DAB1: variants seen among roughly 807,000 people sequenced by gnomAD.
The protein encoded by DAB1 is disabled homolog 1.
DAB1 carries 15 observed loss-of-function variants against 64.6 expected under a neutral mutation model. That is an observed-to-expected ratio of 0.23 (90% CI 0.16 to 0.36). DAB1 has a LOEUF of 0.36. Ranked by LOEUF, DAB1 falls within the 10% of genes least tolerant of loss-of-function variation. DAB1 has a pLI of 1.00. For synonymous variants in DAB1, 235 were observed against 251.9 expected, an observed-to-expected ratio of 0.93 and a Z score of 0.64; for missense variants, 596 against 706.7, an observed-to-expected ratio of 0.84 and a Z score of 1.78.
intron 5 of DAB1, among the ~76,000 whole-genome samples, chr1:58,059,758 C>T (rs1380519138): frequency 6.6e-6 from 1 of 152,198 alleles, no homozygotes; most frequent in Non-Finnish European, 1.5e-5. Flanking sequence ...CCAATAACCT[C>T]ATGGAGTAAG....
At chr1:57,180,192 G>C (rs4912430) in intron 2 of DAB1, among the ~76,000 whole-genome samples, 47,952 of 151,832 alleles carry the variant, frequency 0.32, 9,242 homozygotes, top group Non-Finnish European at 0.42. Flanking sequence ...AAAGGAGAAG[G>C]GGGGATCCTC....
intron 5 of DAB1, among the ~76,000 whole-genome samples, chr1:58,044,391 A>G (rs890965299): frequency 4.0e-5 from 6 of 151,254 alleles, no homozygotes; most frequent in South Asian, 2.1e-4. Flanking sequence ...GCTTCCTCCT[A>G]CTGCTGCTCT....
chr1:57,746,513 T>C (rs543951536), intron 6 of DAB1, among the ~76,000 whole-genome samples: 5 of 152,296 alleles, frequency 3.3e-5, no homozygotes, highest in African/African-American at 9.6e-5. Flanking sequence ...GTGAATTGCC[T>C]GTACATTTCC....
chr1:57,728,089 T>C (rs775443776), intron 6 of DAB1, among the ~76,000 whole-genome samples: 4 of 152,178 alleles, frequency 2.6e-5, no homozygotes, highest in Admixed American at 2.6e-4. Context: ...ATGATATTGA[T>C]GGTCTACCAA....
intron 2 of DAB1, among the ~76,000 whole-genome samples, chr1:57,220,559 T>C (rs562898555): frequency 1.3e-5 from 2 of 152,322 alleles, no homozygotes; most frequent in Admixed American, 1.3e-4. Flanking sequence ...AGAGAAGTTA[T>C]AACACATGCT....
chr1:57,694,826 C>T (rs1646804734), intron 6 of DAB1, among the ~76,000 whole-genome samples: 1 of 152,074 alleles, frequency 6.6e-6, no homozygotes, highest in Admixed American at 6.5e-5. Context: ...CACTCCTCTC[C>T]TCCACATTAC....
intron 7 of DAB1, among the ~76,000 whole-genome samples, chr1:57,539,050 C>T (rs1314366930): frequency 1.3e-5 from 2 of 152,218 alleles, no homozygotes; most frequent in Admixed American, 1.3e-4. Flanking sequence ...CCTTCTCTTA[C>T]GTTGCTCCCT....
At chr1:58,164,578 A>G (rs1655723527) in intron 4 of DAB1, among the ~76,000 whole-genome samples, 1 of 152,216 alleles carries the variant, frequency 6.6e-6, no homozygotes, top group Non-Finnish European at 1.5e-5. Flanking sequence ...TGAAATCTGA[A>G]CAATTATTAA....
At chr1:57,572,753 C>T (rs529101864) in intron 7 of DAB1, among the ~76,000 whole-genome samples, 15 of 152,182 alleles carry the variant, frequency 9.9e-5, no homozygotes, top group East Asian at 3.9e-4. Flanking sequence ...GCAGGCATTA[C>T]GGGAAGCACA....
intron 5 of DAB1, among the ~76,000 whole-genome samples, chr1:57,980,788 G>T (rs1180556118): frequency 1.3e-5 from 2 of 152,068 alleles, no homozygotes; most frequent in Non-Finnish European, 2.9e-5. Context: ...TCGGCAGTAT[G>T]TATTAAAAGT....
chr1:58,533,915 A>C lies in DAB1; in HGVS notation n.33-6580T>G, dbSNP rs1646475770. ...AGATTTAACTTGTTAACTTCAAAGC[A>C]GTTTTTCCAAACCTGAACATTCATT... On this transcript the variant is annotated intron_variant and non_coding_transcript_variant, in intron 1 of 20. Transcript: ENST00000485760. The C allele has an allele frequency of 3.5e-6, 3 of 855,064 alleles. No homozygotes were observed. In the South Asian group the frequency reaches 4.0e-5, roughly 11 times the overall value. 53.0% of individuals were successfully genotyped at this position (855,064 alleles called of 1,614,324 possible).
intron 5 of DAB1, among the ~76,000 whole-genome samples, chr1:57,967,167 A>G (rs1645687934): frequency 6.6e-6 from 1 of 152,214 alleles, no homozygotes; most frequent in Non-Finnish European, 1.5e-5. Flanking sequence ...CATGGGAGCC[A>G]CAGCTACAGT....
intron 7 of DAB1, among the ~76,000 whole-genome samples, chr1:57,524,564 T>C (rs904948070): frequency 6.6e-6 from 1 of 152,126 alleles, no homozygotes; most frequent in Non-Finnish European, 1.5e-5. Flanking sequence ...TTAAGAGCAA[T>C]GTTTTGTGGG....
chr1:58,257,202 AT>A (rs1660951731), intron 4 of DAB1, among the ~76,000 whole-genome samples: 1 of 152,326 alleles, frequency 6.6e-6, no homozygotes, highest in South Asian at 2.1e-4. Context: ...ACAATTCAAA[AT>A]CTCCAACCAA....
At chr1:57,691,073 T>C (rs1646758099) in intron 6 of DAB1, among the ~76,000 whole-genome samples, 1 of 152,128 alleles carries the variant, frequency 6.6e-6, no homozygotes, top group African/African-American at 2.4e-5. Flanking sequence ...AGTTTGCAAA[T>C]ATTTTCTCCC....
intron 5 of DAB1, among the ~76,000 whole-genome samples, chr1:58,142,953 C>A (rs1399127087): frequency 6.6e-6 from 1 of 152,056 alleles, no homozygotes; most frequent in Non-Finnish European, 1.5e-5. Context: ...TGTCCCTAGA[C>A]CTGTAGCATC....
At chr1:57,329,419 G>A (rs1011389756) in intron 1 of DAB1, among the ~76,000 whole-genome samples, 4 of 152,076 alleles carry the variant, frequency 2.6e-5, no homozygotes, top group African/African-American at 4.8e-5. Context: ...GCCATTACTC[G>A]TACTTTATAT....
intron 4 of DAB1, among the ~76,000 whole-genome samples, chr1:57,125,531 G>T (rs1657059962): frequency 6.6e-6 from 1 of 152,050 alleles, no homozygotes; most frequent in African/African-American, 2.4e-5. Flanking sequence ...AAAAAGGTGA[G>T]TATATCTACA....
At chr1:57,212,005 C>T (rs1220574966) in intron 2 of DAB1, among the ~76,000 whole-genome samples, 1 of 152,150 alleles carries the variant, frequency 6.6e-6, no homozygotes, top group Non-Finnish European at 1.5e-5. Flanking sequence ...TATATTTATG[C>T]AATTTTGTTT....
Sources: gnomAD v4.1 joint callset for allele counts (sites outside exome capture counted in the v4.1 genomes callset) on GRCh38, gnomAD v4.1.1 for gene constraint, MANE v1.5 for transcripts, NCBI Gene and HGNC (gene_info 2026-07-23, HGNC 2026-07-21) for gene names.